The following GALNT17 variants were observed in gnomAD, a reference collection of about 807,000 sequenced individuals.
GALNT17 encodes polypeptide N-acetylgalactosaminyltransferase 17, also known as UDP-GalNAc:polypeptide N-acetylgalactosaminyltransferase-like 3.
GALNT17 carries 29 observed loss-of-function variants against 63.7 expected under a neutral mutation model. The ratio of observed to expected loss-of-function variants is 0.46; its 90% CI spans 0.34 to 0.62. The LOEUF (loss-of-function observed/expected upper bound fraction) is 0.62, where lower values mean the gene tolerates loss of function less well. Ranked by LOEUF, GALNT17 falls within the 20% of genes least tolerant of loss-of-function variation. The probability of loss-of-function intolerance (pLI) is 0.01; values close to 1 mark genes in which losing one functional copy is unlikely to be tolerated. For synonymous variants in GALNT17, 305 were observed against 318.3 expected, an observed-to-expected ratio of 0.96 and a Z score of 0.45; for missense variants, 603 against 799.6, an observed-to-expected ratio of 0.75 and a Z score of 2.97.
intron 5 of GALNT17, among the ~76,000 whole-genome samples, chr7:71,533,146 G>A (rs2116785522): frequency 6.6e-6 from 1 of 152,276 alleles, no homozygotes; most frequent in East Asian, 1.9e-4. Context: ...GAGGACTTGA[G>A]GCAGGAACCA....
chr7:71,614,707 GAA>G (rs1790172525), intron 6 of GALNT17, among the ~76,000 whole-genome samples: 2 of 147,966 alleles, frequency 1.4e-5, no homozygotes, highest in East Asian at 4.0e-4. Flanking sequence ...GGAAGAAAGA[GAA>G]AGGAAAAAAA....
chr7:71,175,418 CATCT>C (rs760677062), intron 1 of GALNT17, among the ~76,000 whole-genome samples: 31 of 152,288 alleles, frequency 2.0e-4, no homozygotes, highest in South Asian at 1.2e-3. Flanking sequence ...CTATCTGTAT[CATCT>C]ATCTATCTTA....
At chr7:71,468,237 C>T (rs1787569758) in intron 5 of GALNT17, among the ~76,000 whole-genome samples, 1 of 151,836 alleles carries the variant, frequency 6.6e-6, no homozygotes, top group South Asian at 2.1e-4. Context: ...ACTTTATTGC[C>T]CAGGCTGGTC....
At chr7:71,172,565 T>C (rs1340588880) in intron 1 of GALNT17, among the ~76,000 whole-genome samples, 1 of 151,840 alleles carries the variant, frequency 6.6e-6, no homozygotes, top group Non-Finnish European at 1.5e-5. Flanking sequence ...TGATCTGTGA[T>C]GTTTGGTTAT....
At chr7:71,682,026 A>G (rs1791274103) in intron 9 of GALNT17, among the ~76,000 whole-genome samples, 1 of 152,092 alleles carries the variant, frequency 6.6e-6, no homozygotes, top group African/African-American at 2.4e-5. Context: ...TCCTGGGTTC[A>G]GGCGATTCTC....
At chr7:71,472,529 T>TA (rs577932403) in intron 5 of GALNT17, among the ~76,000 whole-genome samples, 1 of 151,776 alleles carries the variant, frequency 6.6e-6, no homozygotes, top group Non-Finnish European at 1.5e-5. Context: ...TCTACTAAAA[T>TA]AAAAAAATTA....
chr7:71,412,198 G>A (rs1322550474), intron 3 of GALNT17, among the ~76,000 whole-genome samples: 3 of 152,236 alleles, frequency 2.0e-5, no homozygotes, highest in African/African-American at 4.8e-5. Context: ...CCAGCTGCTC[G>A]GGAGGCTGAG....
chr7:71,216,451 A>T (rs1250364132), intron 1 of GALNT17, among the ~76,000 whole-genome samples: 1 of 152,132 alleles, frequency 6.6e-6, no homozygotes, highest in Non-Finnish European at 1.5e-5. Context: ...ACTCAGATAC[A>T]TTCAACTTCA....
At chr7:71,272,041 G>T (rs1790602462) in intron 1 of GALNT17, among the ~76,000 whole-genome samples, 1 of 152,216 alleles carries the variant, frequency 6.6e-6, no homozygotes, top group Non-Finnish European at 1.5e-5. Flanking sequence ...TTACAGGCAT[G>T]AGCCACTGTG....
At chr7:71,643,776 G>A (rs78305408) in intron 6 of GALNT17, among the ~76,000 whole-genome samples, 3,331 of 152,220 alleles carry the variant, frequency 0.022, 146 homozygotes, top group African/African-American at 0.075. Context: ...TGCCAGACAC[G>A]GTGTTAGGAG....
chr7:71,606,112 GTATT>G (rs1482000407), intron 6 of GALNT17, among the ~76,000 whole-genome samples: 5 of 86,776 alleles, frequency 5.8e-5, no homozygotes, highest in Admixed American at 2.0e-4. Flanking sequence ...GCTAATTTTT[GTATT>G]TTTTTTTTTT....
intron 1 of GALNT17, among the ~76,000 whole-genome samples, chr7:71,295,629 C>A (rs1476496029): frequency 1.3e-5 from 2 of 150,924 alleles, no homozygotes; most frequent in Non-Finnish European, 2.9e-5. Context: ...ACTTTCTTTT[C>A]TTTGCTCCCT....
Position 71,199,513 on chromosome 7 carries a change from CCCATCCATTCAT to C in GALNT17, c.238+66482_238+66493del, listed in dbSNP as rs1311783872. Among the ~76,000 whole-genome samples, 6 of 149,472 alleles carry C rather than the reference CCCATCCATTCAT, an allele frequency of 4.0e-5. No homozygotes were observed. The East Asian group carries it at 5.9e-4, about 15-fold the overall frequency. ...TCCACACACACATCCATCCACTAACCCCATCCATTCATCCATCCATCCATCCATCCATCCATC... is the reference window on the plus strand; with the variant it reads ...TCCACACACACATCCATCCACTAACCCCATCCATCCATCCATCCATCCATC... On this transcript the variant is annotated intron_variant, in intron 1 of 10. Transcript: ENST00000333538.
chr7:71,350,800 A>G (rs988214674), intron 2 of GALNT17, among the ~76,000 whole-genome samples: 1 of 152,168 alleles, frequency 6.6e-6, no homozygotes, highest in Non-Finnish European at 1.5e-5. Context: ...ACTTTAGAGA[A>G]GGTGAATTGA....
At chr7:71,385,221 C>T (rs1318627460) in intron 2 of GALNT17, among the ~76,000 whole-genome samples, 5 of 151,992 alleles carry the variant, frequency 3.3e-5, no homozygotes, top group Non-Finnish European at 7.4e-5. Context: ...GGTAGACCCT[C>T]GAAAGGGGAG....
chr7:71,243,556 CTCTTTTCTTTTCTTG>C (rs113170184), intron 1 of GALNT17, among the ~76,000 whole-genome samples: 8 of 152,172 alleles, frequency 5.3e-5, no homozygotes, highest in Admixed American at 1.3e-4. Flanking sequence ...GCTATTGTTT[CTCTTTTCTTTTCTTG>C]TCTTTTCTTT....
intron 9 of GALNT17, among the ~76,000 whole-genome samples, chr7:71,690,898 G>C (rs1415205050): frequency 1.3e-5 from 2 of 152,168 alleles, no homozygotes; most frequent in Non-Finnish European, 2.9e-5. Flanking sequence ...AAAGACAGTG[G>C]TCTCTTGAGA....
intron 5 of GALNT17, among the ~76,000 whole-genome samples, chr7:71,547,424 G>A (rs1434564011): frequency 6.6e-6 from 1 of 152,120 alleles, no homozygotes; most frequent in African/African-American, 2.4e-5. Context: ...AAAGTGCTGA[G>A]ATTATAGGTG....
intron 5 of GALNT17, among the ~76,000 whole-genome samples, chr7:71,450,842 A>T (rs766906762): frequency 6.6e-6 from 1 of 152,062 alleles, no homozygotes; most frequent in Non-Finnish European, 1.5e-5. Flanking sequence ...TAAGAGCATT[A>T]TATAAGCTTG....
Sources: allele counts gnomAD v4.1 joint callset (sites outside exome capture counted in the v4.1 genomes callset), GRCh38; gene constraint gnomAD v4.1.1; transcripts MANE v1.5; gene names NCBI Gene and HGNC (gene_info 2026-07-23, HGNC 2026-07-21).